The following NEXMIF variants were observed in gnomAD, a reference collection of about 807,000 sequenced individuals.
NEXMIF encodes neurite extension and migration factor, also known as XLMR protein related to neurite extension.
Under a neutral mutation model 62.1 loss-of-function variants are expected in NEXMIF, and 8 were observed. That is an observed-to-expected ratio of 0.13 (90% CI 0.08 to 0.23). The LOEUF is 0.23. NEXMIF is among the 10% of genes least tolerant of loss of function. NEXMIF has a pLI of 1.00. For synonymous variants in NEXMIF, 404 were observed against 416.6 expected (o/e 0.97, Z 0.37); for missense variants, 976 against 1,113.3 (o/e 0.88, Z 1.75).
At chrX:74,867,868 T>G (rs1231005987) in intron 1 of NEXMIF, among the ~76,000 whole-genome samples, 2 of 111,767 alleles carry the variant, frequency 1.8e-5, no homozygotes, top group African/African-American at 6.5e-5. Flanking sequence ...TGGGAGAAAT[T>G]TTTTGCAATC....
intron 1 of NEXMIF, among the ~76,000 whole-genome samples, chrX:74,773,125 A>C (rs1407351608): frequency 9.0e-6 from 1 of 111,717 alleles, no homozygotes; most frequent in Non-Finnish European, 1.9e-5. Flanking sequence ...ATATGCTCTC[A>C]GAAAAACTTT....
At chrX:74,885,702 T>C (rs1023172486) in intron 1 of NEXMIF, among the ~76,000 whole-genome samples, 2 of 111,748 alleles carry the variant, frequency 1.8e-5, no homozygotes, top group African/African-American at 3.3e-5. Context: ...GATTCACAGC[T>C]GAATTCTACC....
intron 1 of NEXMIF, among the ~76,000 whole-genome samples, chrX:74,877,404 C>A (rs747190769): frequency 7.2e-5 from 8 of 111,613 alleles, no homozygotes; most frequent in Admixed American, 5.7e-4. Flanking sequence ...ACCGACCTTT[C>A]TCTCTGGCTG....
intron 1 of NEXMIF, among the ~76,000 whole-genome samples, chrX:74,873,088 C>T (rs187961994): frequency 1.7e-3 from 191 of 109,877 alleles, no homozygotes; most frequent in African/African-American, 6.1e-3. Context: ...GCGCTGCACC[C>T]ACTAACTCGT....
chrX:74,733,871 T>A lies in NEXMIF; in HGVS notation c.*5534A>T, dbSNP rs1468442438. On this transcript the variant is annotated 3_prime_UTR_variant, in exon 4 of 4. Coordinates refer to ENST00000055682, the MANE Select transcript of NEXMIF (RefSeq NM_001008537.3). ...TATTGTGGTTTCTAAAACCAGAAAC[T>A]TTGAAGTAAATATCCTTTTATTAGC... The A allele has an allele frequency of 2.7e-5, 3 of 112,681 alleles. No homozygotes were observed. Among genetic ancestry groups the A allele is most frequent in the East Asian group, 5.6e-4 (2 of 3,590 alleles). The allele number at this position is 112,681 out of a possible 1,213,427, so 9.3% of individuals were successfully genotyped here.
intron 1 of NEXMIF, among the ~76,000 whole-genome samples, chrX:74,869,065 G>A (rs1367579160): frequency 1.8e-5 from 2 of 111,279 alleles, no homozygotes; most frequent in African/African-American, 6.5e-5. Flanking sequence ...GATGAATATT[G>A]ATGCAAAAAT....
At chrX:74,756,387 G>A (rs1032199837) in intron 1 of NEXMIF, among the ~76,000 whole-genome samples, 3 of 111,910 alleles carry the variant, frequency 2.7e-5, no homozygotes, top group African/African-American at 9.8e-5. Flanking sequence ...ATTCAACAGA[G>A]GAAAGGAAAA....
intron 1 of NEXMIF, chrX:74,769,578 C>T: frequency 6.7e-6 from 3 of 449,244 alleles, no homozygotes; most frequent in Middle Eastern, 1.3e-3. Context: ...GAGAAACCGA[C>T]CAATTTTGTA....
At chrX:74,775,502 G>A (rs764083157) in intron 1 of NEXMIF, among the ~76,000 whole-genome samples, 2 of 112,100 alleles carry the variant, frequency 1.8e-5, no homozygotes, top group Non-Finnish European at 3.8e-5. Context: ...TCAGTTTAGA[G>A]CCTGCTATTT....
intron 1 of NEXMIF, among the ~76,000 whole-genome samples, chrX:74,884,490 G>T (rs2080681857): frequency 9.0e-6 from 1 of 111,500 alleles, no homozygotes; most frequent in South Asian, 3.8e-4. Flanking sequence ...GGCAGGGGTT[G>T]CAATCCTAGT....
chrX:74,871,048 C>A (rs986748600), intron 1 of NEXMIF, among the ~76,000 whole-genome samples: 1 of 111,656 alleles, frequency 9.0e-6, no homozygotes, highest in Non-Finnish European at 1.9e-5. Context: ...TTCACAATAG[C>A]CAGGATTTGG....
chrX:74,832,582 GT>G (rs1156421782), intron 1 of NEXMIF, among the ~76,000 whole-genome samples: 2 of 110,964 alleles, frequency 1.8e-5, no homozygotes, highest in Non-Finnish European at 3.8e-5. Context: ...CCAAGGTTTG[GT>G]TTCATTGATT....
intron 1 of NEXMIF, among the ~76,000 whole-genome samples, chrX:74,885,636 G>A (rs1359803812): frequency 1.8e-5 from 2 of 111,772 alleles, no homozygotes; most frequent in Admixed American, 9.5e-5. Context: ...AACAGGATCT[G>A]AAATTGTGGC....
intron 1 of NEXMIF, among the ~76,000 whole-genome samples, chrX:74,869,759 A>G (rs2080593465): frequency 8.9e-6 from 1 of 111,917 alleles, no homozygotes; most frequent in Non-Finnish European, 1.9e-5. Flanking sequence ...TAGCTTAACC[A>G]AAGAAGTGAA....
intron 1 of NEXMIF, among the ~76,000 whole-genome samples, chrX:74,874,772 A>C (rs1263804667): frequency 4.3e-5 from 4 of 93,351 alleles, no homozygotes; most frequent in African/African-American, 1.6e-4. Context: ...ATGGGAGTTC[A>C]CTCATGATTT....
At chrX:74,922,337 GGTGTGTGTGTGT>G (rs3040908) in intron 1 of NEXMIF, among the ~76,000 whole-genome samples, 1 of 100,560 alleles carries the variant, frequency 9.9e-6, no homozygotes, top group African/African-American at 3.6e-5. Context: ...GGGTGTTATG[GGTGTGTGTGTGT>G]GTGTGTGTGT....
At chrX:74,873,206 G>A (rs2080611301) in intron 1 of NEXMIF, among the ~76,000 whole-genome samples, 1 of 109,041 alleles carries the variant, frequency 9.2e-6, no homozygotes, top group African/African-American at 3.3e-5. Flanking sequence ...TGTTCTCATT[G>A]TTCAATTCCC....
At chrX:74,924,431 GCTT>G (rs1260764032) in intron 1 of NEXMIF, among the ~76,000 whole-genome samples, 1 of 113,278 alleles carries the variant, frequency 8.8e-6, no homozygotes, top group Non-Finnish European at 1.9e-5. Flanking sequence ...CACCTTTGCG[GCTT>G]TGGTCCGAGC....
At chrX:74,820,002 C>T (rs1436749702) in intron 1 of NEXMIF, among the ~76,000 whole-genome samples, 1 of 111,603 alleles carries the variant, frequency 9.0e-6, no homozygotes, top group Non-Finnish European at 1.9e-5. Flanking sequence ...GAATACTATG[C>T]AGCCATGAAA....
Sources: allele counts gnomAD v4.1 joint callset (sites outside exome capture counted in the v4.1 genomes callset), GRCh38; gene constraint gnomAD v4.1.1; transcripts MANE v1.5; gene names NCBI Gene and HGNC (gene_info 2026-07-23, HGNC 2026-07-21).